The following ARHGAP42 variants were observed in gnomAD, a reference collection of about 807,000 sequenced individuals.
ARHGAP42 encodes the protein rho GTPase-activating protein 42.
ARHGAP42 carries 63 observed loss-of-function variants against 125.0 expected under a neutral mutation model. That is an observed-to-expected ratio of 0.50 (90% CI 0.41 to 0.62). The LOEUF is 0.62. Ranked by LOEUF, ARHGAP42 falls within the 20% of genes least tolerant of loss-of-function variation. The pLI is 0.00. For synonymous variants in ARHGAP42, 339 were observed against 351.0 expected (o/e 0.97, Z 0.38); for missense variants, 766 against 1,024.2 (o/e 0.75, Z 3.44).
At chr11:100,858,454 C>A (rs1865375111) in intron 3 of ARHGAP42, among the ~76,000 whole-genome samples, 1 of 152,060 alleles carries the variant, frequency 6.6e-6, no homozygotes. Context: ...GTGGTGTCAA[C>A]ACTCTAGTTT....
intron 12 of ARHGAP42, among the ~76,000 whole-genome samples, chr11:100,957,717 C>T (rs994317177): frequency 1.3e-5 from 2 of 152,044 alleles, no homozygotes; most frequent in African/African-American, 2.4e-5. Flanking sequence ...TATGTCAGAA[C>T]GGCAGCATCC....
chr11:100,916,204 T>C (rs1867059004), intron 5 of ARHGAP42, among the ~76,000 whole-genome samples: 1 of 152,226 alleles, frequency 6.6e-6, no homozygotes, highest in South Asian at 2.1e-4. Flanking sequence ...TTATAGGCTT[T>C]ATAGTGGATA....
intron 16 of ARHGAP42, among the ~76,000 whole-genome samples, chr11:100,964,804 C>A (rs947328164): frequency 2.6e-5 from 4 of 152,068 alleles, no homozygotes; most frequent in Non-Finnish European, 5.9e-5. Context: ...TGTAATAATG[C>A]TAACATTTCA....
intron 8 of ARHGAP42, among the ~76,000 whole-genome samples, chr11:100,936,684 C>T (rs1867746469): frequency 6.6e-6 from 1 of 152,144 alleles, no homozygotes; most frequent in South Asian, 2.1e-4. Context: ...AATAGTTTTA[C>T]CCTCTGGCAG....
chr11:100,876,908 G>A (rs1467421628), intron 4 of ARHGAP42, among the ~76,000 whole-genome samples: 1 of 152,170 alleles, frequency 6.6e-6, no homozygotes, highest in Non-Finnish European at 1.5e-5. Context: ...CAGAGACCAT[G>A]CAACCCACGT....
intron 4 of ARHGAP42, among the ~76,000 whole-genome samples, chr11:100,878,212 T>A (rs559105116): frequency 6.6e-6 from 1 of 151,942 alleles, no homozygotes; most frequent in African/African-American, 2.4e-5. Context: ...CACCGCAACC[T>A]CCGCCTCCCT....
intron 3 of ARHGAP42, among the ~76,000 whole-genome samples, chr11:100,857,961 T>C (rs1282333533): frequency 1.3e-5 from 2 of 152,108 alleles, no homozygotes; most frequent in Non-Finnish European, 2.9e-5. Flanking sequence ...CAATAAATAG[T>C]AGGCTTTATT....
chr11:100,754,786 T>G (rs1156850663), intron 1 of ARHGAP42, among the ~76,000 whole-genome samples: 1 of 152,206 alleles, frequency 6.6e-6, no homozygotes, highest in Non-Finnish European at 1.5e-5. Flanking sequence ...CTACGTAGCT[T>G]TATTCTGTTA....
intron 4 of ARHGAP42, among the ~76,000 whole-genome samples, chr11:100,890,583 C>T (rs1335806528): frequency 6.6e-6 from 1 of 152,118 alleles, no homozygotes; most frequent in East Asian, 1.9e-4. Flanking sequence ...GCTTGACTGT[C>T]ATTAAAGGCT....
In ARHGAP42 at chr11:100,992,119, G is replaced by T. The variant is rs182875710; in HGVS notation, c.*3318G>T. On this transcript the variant is annotated 3_prime_UTR_variant, in exon 24 of 24. Transcript: ENST00000298815. ...ATTCATGTGGTTTCAGTTTAGAAGA[G>T]TCCCTCAGAGCTTTGCCTCAAGCAA... 8.3e-3 allele frequency: 5,026 copies of T among 602,080 alleles called. 26 individuals carry two copies. Among genetic ancestry groups the T allele is most frequent in the Non-Finnish European group, 0.012 (4,137 of 352,458 alleles). 37.3% of individuals were successfully genotyped at this position (602,080 alleles called of 1,614,324 possible).
rs192110413 is a variant in ARHGAP42, at chr11:100,844,505, C to A, written c.313-15049C>A. 9.7e-4 allele frequency among the ~76,000 whole-genome samples: 148 copies of A among 152,014 alleles called. 1 individual carries two copies. Among genetic ancestry groups the A allele is most frequent in the African/African-American group, 3.1e-3 (128 of 41,474 alleles). On this transcript the variant is annotated intron_variant, in intron 3 of 23. Transcript: ENST00000298815. Reference sequence around the variant, plus strand: ...CAAAAGGAACAGTCAACAGAGTGAACAGACAACCCACAGGATGGGAGGAAA... The same window carrying A: ...CAAAAGGAACAGTCAACAGAGTGAAAAGACAACCCACAGGATGGGAGGAAA...
intron 16 of ARHGAP42, among the ~76,000 whole-genome samples, chr11:100,962,882 A>T (rs1342084041): frequency 6.6e-6 from 1 of 152,040 alleles, no homozygotes; most frequent in African/African-American, 2.4e-5. Context: ...ATCTCAAATT[A>T]AAAAAAAGAA....
intron 1 of ARHGAP42, among the ~76,000 whole-genome samples, chr11:100,736,798 G>A (rs1326075582): frequency 6.6e-5 from 10 of 152,084 alleles, no homozygotes; most frequent in African/African-American, 1.7e-4. Flanking sequence ...TTACATAAAC[G>A]ATAGTGTCTT....
chr11:100,885,480 T>G (rs562681280), intron 4 of ARHGAP42, among the ~76,000 whole-genome samples: 47 of 152,316 alleles, frequency 3.1e-4, no homozygotes, highest in African/African-American at 9.9e-4. Flanking sequence ...AAATCCCATT[T>G]TTTTCCACTG....
chr11:100,825,004 A>G (rs1451336268), intron 3 of ARHGAP42, among the ~76,000 whole-genome samples: 1 of 152,230 alleles, frequency 6.6e-6, no homozygotes, highest in East Asian at 1.9e-4. Context: ...ATGGTTAACA[A>G]CATTGGGAGT....
intron 3 of ARHGAP42, among the ~76,000 whole-genome samples, chr11:100,823,877 C>G (rs148781030): frequency 3.5e-4 from 54 of 152,186 alleles, no homozygotes; most frequent in African/African-American, 1.2e-3. Context: ...TAATAAAAAT[C>G]ATTTTTACCC....
chr11:100,856,818 A>T (rs1264970454), intron 3 of ARHGAP42, among the ~76,000 whole-genome samples: 1 of 152,080 alleles, frequency 6.6e-6, no homozygotes, highest in Non-Finnish European at 1.5e-5. Context: ...ATTTTTTGAG[A>T]GCCTTCCATG....
intron 5 of ARHGAP42, among the ~76,000 whole-genome samples, chr11:100,916,660 A>G (rs987869165): frequency 1.3e-5 from 2 of 152,144 alleles, no homozygotes; most frequent in African/African-American, 4.8e-5. Flanking sequence ...CTTAAGGTAA[A>G]TTTGACATTG....
At chr11:100,906,441 G>A (rs748792636) in intron 4 of ARHGAP42, among the ~76,000 whole-genome samples, 3 of 152,062 alleles carry the variant, frequency 2.0e-5, no homozygotes, top group Non-Finnish European at 4.4e-5. Flanking sequence ...TGATTTTTAT[G>A]TAAGCTCCAT....
Sources: gnomAD v4.1 joint callset for allele counts (sites outside exome capture counted in the v4.1 genomes callset) on GRCh38, gnomAD v4.1.1 for gene constraint, MANE v1.5 for transcripts, NCBI Gene and HGNC (gene_info 2026-07-23, HGNC 2026-07-21) for gene names.